Variants in PRKDC observed in about 807,000 individuals in gnomAD.
PRKDC encodes protein kinase, DNA-activated, catalytic subunit.
PRKDC carries 82 observed loss-of-function variants against 486.9 expected under a neutral mutation model. The ratio of observed to expected loss-of-function variants is 0.17; its 90% CI spans 0.14 to 0.20. The LOEUF (loss-of-function observed/expected upper bound fraction) is 0.20. Among genes scored for constraint, PRKDC ranks in the 10% least tolerant of loss-of-function variants. The pLI is 1.00. For missense variants in PRKDC, 4,504 were observed against 5,038.2 expected (o/e 0.89, Z 3.21); for synonymous variants, 1,895 against 1,837.0 (o/e 1.03, Z -0.81).
At chr8:47,832,963 C>T (rs192734727) in intron 59 of PRKDC, among the ~76,000 whole-genome samples, 2 of 152,310 alleles carry the variant, frequency 1.3e-5, no homozygotes, top group East Asian at 3.9e-4. Context: ...GCCTGGCGCC[C>T]GCAGCCCTGC....
At chr8:47,934,509 T>A (rs4873771) in intron 14 of PRKDC, among the ~76,000 whole-genome samples, 23,057 of 152,182 alleles carry the variant, frequency 0.15, 2,855 homozygotes, top group African/African-American at 0.32. Context: ...CACTCCAGCC[T>A]GGGTGACAGA....
chr8:47,956,585 C>A (rs1230931014), intron 3 of PRKDC, among the ~76,000 whole-genome samples: 2 of 151,500 alleles, frequency 1.3e-5, no homozygotes, highest in East Asian at 3.9e-4. Flanking sequence ...ATCCTGTGGT[C>A]CCAGCAACTT....
At chr8:47,959,268 G>C (rs542119839) in intron 1 of PRKDC, 15 of 152,314 alleles carry the variant, frequency 9.8e-5, no homozygotes, top group African/African-American at 3.4e-4. Context: ...CATTGCTAAA[G>C]AGTTAAAAGA....
intron 36 of PRKDC, 48 bp downstream of exon 36, chr8:47,885,895 CA>C: frequency 6.4e-7 from 1 of 1,567,150 alleles, no homozygotes; most frequent in Non-Finnish European, 8.8e-7. Context: ...CTGTCTCAAA[CA>C]AACAAACAAA....
At chr8:47,922,809 A>T (rs2090093384) in intron 21 of PRKDC, among the ~76,000 whole-genome samples, 3 of 152,206 alleles carry the variant, frequency 2.0e-5, no homozygotes, top group African/African-American at 4.8e-5. Context: ...TCATGTTAAC[A>T]TGCATAACAT....
intron 74 of PRKDC, among the ~76,000 whole-genome samples, chr8:47,792,489 A>C (rs968258111): frequency 1.3e-5 from 2 of 151,970 alleles, no homozygotes; most frequent in Non-Finnish European, 2.9e-5. Context: ...CGATCTCCTG[A>C]CCTCCTGATC....
chr8:47,942,810 T>C (rs957347135), intron 10 of PRKDC, among the ~76,000 whole-genome samples: 5 of 152,220 alleles, frequency 3.3e-5, no homozygotes, highest in Non-Finnish European at 7.3e-5. Flanking sequence ...AAATCCACAA[T>C]GGCAAAGAGG....
At position 47,877,748 on chromosome 8, in the gene PRKDC, G is replaced by C. The variant is rs1165025711; in HGVS notation, c.5339C>G (p.Ser1780Cys). ...CCTTCTGGCAATCCTCCTGAAACTGGATTGAAATAATTCTTCCATGACATG... is the reference window on the plus strand; with the variant it reads ...CCTTCTGGCAATCCTCCTGAAACTGCATTGAAATAATTCTTCCATGACATG... ...QQHVMEELFQ[S>C]SFRRIARRGS... Residue 1780 changes from serine (S) to cysteine (C), a missense_variant, in exon 40 of 86, where the codon TCC (serine) becomes TGC (cysteine). Physicochemically the swap from Ser to Cys is moderately radical, Grantham distance 112 (BLOSUM62 -1). Around this residue, in one of 6 missense-constraint regions of PRKDC, gnomAD observed 1,969 missense variants for 2,068.9 expected, o/e 0.95. Transcript: ENST00000314191. The C allele has an allele frequency of 6.3e-7, 1 of 1,592,544 alleles. No homozygotes were observed. Among genetic ancestry groups the C allele is most frequent in the African/African-American group, 1.3e-5 (1 of 74,096 alleles).
At position 47,807,785 on chromosome 8, in the gene PRKDC, G is replaced by A. The variant is rs182949369; in HGVS notation, c.9558-459C>T. The stretch of plus-strand genomic sequence containing the variant: ...GGATGGAGTGCAGTGGCACGATCTC[G>A]ACTTACTGCAACCTCCACCTTCTGG... On this transcript the variant is annotated intron_variant, in intron 68 of 85. Coordinates refer to ENST00000314191, the MANE Select transcript of PRKDC (RefSeq NM_006904.7). 4.0e-3 allele frequency among the ~76,000 whole-genome samples: 606 copies of A among 151,206 alleles called. 4 individuals are homozygous for A. Among genetic ancestry groups the A allele is most frequent in the South Asian group, 0.025 (120 of 4,790 alleles).
intron 30 of PRKDC, among the ~76,000 whole-genome samples, chr8:47,894,970 T>C (rs193281061): frequency 6.6e-6 from 1 of 152,146 alleles, no homozygotes; most frequent in East Asian, 1.9e-4. Context: ...CAGCTACTCA[T>C]GAGGCTGGGG....
chr8:47,864,729 T>C lies in PRKDC; in HGVS notation c.5398A>G (p.Ser1800Gly), dbSNP rs769429700. 4 of 1,603,068 alleles carry C rather than the reference T, an allele frequency of 2.5e-6. No individual in the cohort carries two copies. The highest frequency in any genetic ancestry group is 2.2e-5 in the East Asian group (1 of 44,660). The change falls in exon 41 of 86, where the codon AGC becomes GGC. Residue 1800 changes from serine (S) to glycine (G), a missense_variant. By Grantham distance (56) the Ser-to-Gly change is moderately conservative (BLOSUM62 0). Around this residue, in one of 6 missense-constraint regions of PRKDC, gnomAD observed 1,969 missense variants for 2,068.9 expected, o/e 0.95. Transcript: ENST00000314191. Reference sequence around the variant, plus strand: ...TCCTTCCTGAACATTTCATACACGCTTTCCAGAAGGCCTACTTGTGTGACA... The same window carrying C: ...TCCTTCCTGAACATTTCATACACGCCTTCCAGAAGGCCTACTTGTGTGACA... ...SCVTQVGLLE[S>G]VYEMFRKDDP... is the part of the protein sequence containing the mutation.
intron 52 of PRKDC, among the ~76,000 whole-genome samples, chr8:47,852,319 G>C (rs1339336564): frequency 1.3e-5 from 2 of 152,124 alleles, no homozygotes; most frequent in African/African-American, 4.8e-5. Flanking sequence ...GGAATGGACT[G>C]GGGGAGGACA....
In PRKDC at chr8:47,817,713, AAATTT is replaced by A. The variant is rs543453077; in HGVS notation, c.9446-157_9446-153del. Among the ~76,000 whole-genome samples, 763 of 152,370 alleles carry A rather than the reference AAATTT, an allele frequency of 5.0e-3. 5 individuals carry two copies. Among genetic ancestry groups the A allele is most frequent in the Non-Finnish European group, 9.3e-3 (631 of 68,034 alleles). ...AAAAGGAACACAAAGTTACCATACTAAATTTAATATATTCTGACATTTAAACTCAA... is the reference window on the plus strand; with the variant it reads ...AAAAGGAACACAAAGTTACCATACTAAATATATTCTGACATTTAAACTCAA... On this transcript the variant is annotated intron_variant, in intron 67 of 85. Transcript: ENST00000314191.
chr8:47,859,576 C>T (rs1172808293), intron 46 of PRKDC, 35 bp downstream of exon 46: 7 of 1,596,852 alleles, frequency 4.4e-6, no homozygotes, highest in Admixed American at 1.7e-5. Flanking sequence ...TCACAAACAT[C>T]GACAATATTC....
chr8:47,866,069 T>C (rs1461911362), intron 40 of PRKDC, among the ~76,000 whole-genome samples: 1 of 150,392 alleles, frequency 6.6e-6, no homozygotes, highest in Non-Finnish European at 1.5e-5. Flanking sequence ...GGCAGGAGAA[T>C]TGCTTGAACC....
rs780564413 is a variant in PRKDC, at chr8:47,886,141, G to A, written c.4579C>T (p.Arg1527Cys). 13 of 1,591,398 alleles carry A rather than the reference G, an allele frequency of 8.2e-6. No homozygotes were observed. The highest frequency in any genetic ancestry group is 2.2e-5 in the East Asian group (1 of 44,624). Residue 1527 changes from arginine (R) to cysteine (C), a missense_variant, in exon 36 of 86, where the codon CGC becomes TGC. This residue lies in a region of PRKDC where 1,969 missense variants were observed against 2,068.9 expected (regional missense o/e 0.95). Transcript: ENST00000314191. ...LAFAFGGLCE[R>C]LVSLLLNPAV... The stretch of plus-strand genomic sequence containing the variant: ...GGGTTCAGGAGAAGACTCACAAGGC[G>A]CTCACACTGGGAAAAAGAAAGGAGA...
intron 57 of PRKDC, 148 bp downstream of exon 57, chr8:47,837,064 G>T: frequency 1.2e-6 from 1 of 857,044 alleles, no homozygotes; most frequent in Non-Finnish European, 1.8e-6. Flanking sequence ...CCTCCAGGTG[G>T]CTGAAGCAGA....
chr8:47,941,261 C>T (rs1338662968), intron 10 of PRKDC, among the ~76,000 whole-genome samples: 1 of 152,170 alleles, frequency 6.6e-6, no homozygotes, highest in African/African-American at 2.4e-5. Flanking sequence ...AGTCCTCTTT[C>T]CCTCTTTCTT....
In PRKDC at chr8:47,893,225, A is replaced by C; in HGVS notation, c.3761T>G (p.Leu1254Arg). The C allele has an allele frequency of 6.2e-7, 1 of 1,612,990 alleles. No individual in the cohort carries two copies. The highest frequency in any genetic ancestry group is 8.5e-7 in the Non-Finnish European group (1 of 1,179,412). ...GGCCAGGAGCAGGTCCAGCCAGCAT[A>C]GCGTGGCCTGCAGGCTGAATGGCCC... Reference protein sequence around the residue: ...LRGPFSLQATLCWLDLLLAAL... With the variant: ...LRGPFSLQATRCWLDLLLAAL... Residue 1254 changes from leucine to arginine, a missense_variant, in exon 31 of 86, where the codon CTA (leucine) becomes CGA (arginine). Transcript: ENST00000314191.
Sources: gnomAD v4.1 joint callset for allele counts (sites outside exome capture counted in the v4.1 genomes callset) on GRCh38, gnomAD v4.1.1 for gene constraint, gnomAD v4.1.1 regional missense constraint, MANE v1.5 for transcripts, NCBI Gene and HGNC (gene_info 2026-07-23, HGNC 2026-07-21) for gene names.